VEGFA: variants seen among roughly 807,000 people sequenced by gnomAD.
VEGFA encodes the protein vascular endothelial growth factor A.
A neutral mutation model predicts 49.7 loss-of-function variants in VEGFA; 20 were observed. That is an observed-to-expected ratio of 0.40 (90% CI 0.28 to 0.58). The LOEUF (loss-of-function observed/expected upper bound fraction) is 0.58, where lower values mean the gene tolerates loss of function less well. VEGFA is among the 20% of genes least tolerant of loss of function. VEGFA has a pLI of 0.40. For missense variants in VEGFA, 505 were observed against 553.5 expected (o/e 0.91, Z 0.88); for synonymous variants, 219 against 223.4 (o/e 0.98, Z 0.18).
Position 43,784,666 on chromosome 6 carries a change from C to T in VEGFA, c.*104C>T, listed in dbSNP as rs1562001115. On this transcript the variant is annotated 3_prime_UTR_variant, in exon 8 of 8. Transcript: ENST00000672860. ...GATACAGAAACCACGCTGCCGCCAC[C>T]ACACCATCACCATCGACAGAACAGT... The T allele has an allele frequency of 1.9e-6, 3 of 1,578,428 alleles. No individual in the cohort carries two copies. The highest frequency in any genetic ancestry group is 2.6e-6 in the Non-Finnish European group (3 of 1,147,568).
rs1185964647 is a variant in VEGFA, at chr6:43,784,835, T to A, written c.*273T>A. Reference sequence around the variant, plus strand: ...GGAATTGGATTCGCCATTTTATTTTTCTTGCTGCTAAATCACCGAGCCCGG... The same window carrying A: ...GGAATTGGATTCGCCATTTTATTTTACTTGCTGCTAAATCACCGAGCCCGG... On this transcript the variant is annotated 3_prime_UTR_variant, in exon 8 of 8. Transcript: ENST00000672860. 1 of 618,682 alleles carries A rather than the reference T, an allele frequency of 1.6e-6. No homozygotes were observed. The highest frequency in any genetic ancestry group is 2.7e-5 in the Admixed American group (1 of 37,220). The allele number at this position is 618,682 out of a possible 1,614,324, so 38.3% of individuals were successfully genotyped here.
intron 1 of VEGFA, among the ~76,000 whole-genome samples, chr6:43,772,454 G>A (rs896542950): frequency 6.6e-6 from 1 of 152,148 alleles, no homozygotes; most frequent in Non-Finnish European, 1.5e-5. Context: ...TTTAGCTCTC[G>A]TGGGGGTGGG....
At chr6:43,771,795 C>T (rs1216033272) in intron 1 of VEGFA, among the ~76,000 whole-genome samples, 1 of 152,194 alleles carries the variant, frequency 6.6e-6, no homozygotes, top group African/African-American at 2.4e-5. Context: ...GGCTTGCTGT[C>T]ACTGCCACTC....
Position 43,777,152 on chromosome 6 carries a change from T to C in VEGFA, c.659-317T>C. ...ATGGGGTATACCCATACTCAGACTG[T>C]CCTCTGGCATCGAGGTTGGCCCAGG... On this transcript the variant is annotated intron_variant, in intron 2 of 7. Transcript: ENST00000672860. The surrounding 1 kb of genome is among the most constrained non-coding windows in gnomAD (Gnocchi z 4.3). The C allele has an allele frequency of 2.3e-6, 1 of 443,658 alleles. No individual in the cohort carries two copies. Among genetic ancestry groups the C allele is most frequent in the Non-Finnish European group, 4.3e-6 (1 of 234,900 alleles). 27.5% of individuals were successfully genotyped at this position (443,658 alleles called of 1,614,324 possible). A position where few individuals can be genotyped will look rare whatever the true frequency, so the allele number is the denominator to read the frequency against.
Position 43,785,288 on chromosome 6 carries a change from GAT to G in VEGFA, c.*727_*728del, listed in dbSNP as rs1769263073. ...CCCAGGTCAGACGGACAGAAAGACA[GAT>G]CACAGGTACAGGGATGAGGACACCG... On this transcript the variant is annotated 3_prime_UTR_variant, in exon 8 of 8. Transcript: ENST00000672860. 4.8e-6 allele frequency: 1 copy of G among 207,116 alleles called. No homozygotes were observed. Among genetic ancestry groups the G allele is most frequent in the Non-Finnish European group, 9.9e-6 (1 of 101,108 alleles). The allele number at this position is 207,116 out of a possible 1,614,324, so 12.8% of individuals were successfully genotyped here.
At chr6:43,782,152 GAA>G (rs1187692625) in intron 7 of VEGFA, 65 bp downstream of exon 7, 1 of 1,596,738 alleles carries the variant, frequency 6.3e-7, no homozygotes, top group Non-Finnish European at 8.5e-7. Flanking sequence ...GAGAGAGAGA[GAA>G]AGAGAGTGAG....
chr6:43,770,725 G>C lies in VEGFA; in HGVS notation c.19G>C (p.Asp7His), dbSNP rs779923978. The change falls in exon 1 of 8, where the codon GAC becomes CAC. Residue 7 changes from aspartate (D) to histidine (H), a missense_variant. Around this residue, in one of 2 missense-constraint regions of VEGFA, gnomAD observed 340 missense variants for 321.8 expected, o/e 1.06. Coordinates refer to ENST00000672860, the MANE Select transcript of VEGFA (RefSeq NM_003376.6). ...AGTCGCGCTGACGGACAGACAGACA[G>C]ACACCGCCCCCAGCCCCAGCTACCA... 1.8e-5 allele frequency: 28 copies of C among 1,540,886 alleles called. 1 individual carries two copies. The South Asian group carries it at 2.9e-4, about 16-fold the overall frequency.
At position 43,777,160 on chromosome 6, in the gene VEGFA, C is replaced by T. The variant is rs1765705163; in HGVS notation, c.659-309C>T. ...TACCCATACTCAGACTGTCCTCTGG[C>T]ATCGAGGTTGGCCCAGGATTCAGTT... is the stretch of plus-strand genomic sequence containing the variant. On this transcript the variant is annotated intron_variant, in intron 2 of 7. Transcript: ENST00000672860. The surrounding 1 kb of genome is among the most constrained non-coding windows in gnomAD (Gnocchi z 4.3). The T allele has an allele frequency of 6.6e-6, 3 of 456,986 alleles. No homozygotes were observed. The Admixed American group carries it at 9.4e-5, about 14-fold the overall frequency. The allele number at this position is 456,986 out of a possible 1,614,324, so 28.3% of individuals were successfully genotyped here.
rs1175220827 is a variant in VEGFA at position 43,770,856 on chromosome 6, C to T, written c.150C>T (p.Val50=). The T allele has an allele frequency of 7.8e-6, 12 of 1,535,226 alleles. No homozygotes were observed. The highest frequency in any genetic ancestry group is 4.6e-4 in the Middle Eastern group (2 of 4,378). ...TGGAGGGGGTCGGGGCTCGCGGCGT[C>T]GCACTGAAACTTTTCGTCCAACTTC... The change falls in exon 1 of 8, where the codon GTC becomes GTT. Residue 50 remains valine (V), a synonymous_variant. Transcript: ENST00000672860.
At chr6:43,772,166 T>A in intron 1 of VEGFA, 2 of 727,104 alleles carry the variant, frequency 2.8e-6, no homozygotes, top group Non-Finnish European at 3.4e-6. Context: ...AGACCCTACC[T>A]CTGCCCAGTG....
At chr6:43,781,197 AG>A in intron 6 of VEGFA, 1 of 427,380 alleles carries the variant, frequency 2.3e-6, no homozygotes, top group Non-Finnish European at 4.4e-6. Flanking sequence ...GGTGGTGGGG[AG>A]GGCAGACATG....
chr6:43,777,705 AGGGGGGT>A lies in VEGFA; in HGVS notation c.855+41_855+47del. ...GAAGTGGGGCAAGGGGGGGATAGGG[AGGGGGGT>A]AACACTTTGGGAACAGGTGGTCCCA... On this transcript the variant is annotated intron_variant, in intron 3 of 7. Transcript: ENST00000672860. The surrounding 1 kb of genome is among the most constrained non-coding windows in gnomAD (Gnocchi z 4.3). The A allele has an allele frequency of 1.6e-6, 1 of 630,050 alleles. No homozygotes were observed. The highest frequency in any genetic ancestry group is 2.8e-6 in the Non-Finnish European group (1 of 351,266). The allele number at this position is 630,050 out of a possible 1,614,324, so 39.0% of individuals were successfully genotyped here. A position where few individuals can be genotyped will look rare whatever the true frequency, so the allele number is the denominator to read the frequency against.
intron 2 of VEGFA, chr6:43,775,132 A>T (rs924765110): frequency 2.6e-5 from 4 of 152,954 alleles, no homozygotes; most frequent in African/African-American, 9.6e-5. Context: ...CCCTGACCTA[A>T]ATCTGGCGTG....
Position 43,777,448 on chromosome 6 carries a change from G to T in VEGFA, c.659-21G>T. On this transcript the variant is annotated intron_variant, in intron 2 of 7. Transcript: ENST00000672860. The surrounding 1 kb of genome is among the most constrained non-coding windows in gnomAD (Gnocchi z 4.3). ...CTTTTGTGTCGCCCACCGGGCTCATGTGTCATCGCCTCTCATGCAGTGGTG... is the reference window on the plus strand; with the variant it reads ...CTTTTGTGTCGCCCACCGGGCTCATTTGTCATCGCCTCTCATGCAGTGGTG... 3 of 1,613,406 alleles carry T rather than the reference G, an allele frequency of 1.9e-6. No individual in the cohort carries two copies. Among genetic ancestry groups the T allele is most frequent in the Non-Finnish European group, 8.5e-7 (1 of 1,180,002 alleles).
intron 3 of VEGFA, 175 bp from the exon 4 acceptor site, chr6:43,778,285 G>A: frequency 2.9e-6 from 2 of 686,274 alleles, no homozygotes; most frequent in Admixed American, 2.1e-5. Flanking sequence ...GGTTGGGGGA[G>A]TTGGGGTGGG....
At chr6:43,774,216 G>A in intron 1 of VEGFA, 125 bp from the exon 2 acceptor site, 3 of 1,015,380 alleles carry the variant, frequency 3.0e-6, no homozygotes, top group Non-Finnish European at 3.0e-6. Flanking sequence ...GTTCGACTCA[G>A]AAGACTTGGA....
At chr6:43,772,362 G>A (rs988471397) in intron 1 of VEGFA, among the ~76,000 whole-genome samples, 13 of 152,210 alleles carry the variant, frequency 8.5e-5, no homozygotes, top group Non-Finnish European at 1.8e-4. Context: ...CCCACTGGGC[G>A]CTTTGTCACA....
In VEGFA at chr6:43,770,982, G is replaced by C. The variant is rs964247628; in HGVS notation, c.276G>C (p.Pro92=). ...GCTCGGGCCGGGAGGAGCCGCAGCC[G>C]GAGGAGGGGGAGGAGGAAGAAGAGA... Residue 92 remains proline (P), a synonymous_variant, in exon 1 of 8, where the codon CCG becomes CCC. Coordinates refer to ENST00000672860, the MANE Select transcript of VEGFA (RefSeq NM_003376.6). 4.9e-5 allele frequency: 76 copies of C among 1,542,432 alleles called. No individual in the cohort carries two copies. Among genetic ancestry groups the C allele is most frequent in the Non-Finnish European group, 6.1e-5 (70 of 1,144,622 alleles).
At chr6:43,774,863 T>G (rs995765796) in intron 2 of VEGFA, 1 of 190,584 alleles carries the variant, frequency 5.2e-6, no homozygotes, top group Non-Finnish European at 1.1e-5. Flanking sequence ...CTGGTTTGCA[T>G]TCCTTTGGGG....
Sources: allele counts gnomAD v4.1 joint callset (sites outside exome capture counted in the v4.1 genomes callset), GRCh38; gene constraint gnomAD v4.1.1; regional missense constraint gnomAD v4.1.1; non-coding constraint Gnocchi (gnomAD v3.1); transcripts MANE v1.5; gene names NCBI Gene and HGNC (gene_info 2026-07-23, HGNC 2026-07-21).